Variants in ZNF827 observed in about 807,000 individuals in gnomAD.
ZNF827 encodes zinc finger protein 827.
ZNF827 carries 13 observed loss-of-function variants against 102.4 expected under a neutral mutation model. The observed-to-expected ratio is 0.13, with a 90% confidence interval of 0.08 to 0.20. The LOEUF (loss-of-function observed/expected upper bound fraction) is 0.20. Among genes scored for constraint, ZNF827 ranks in the 10% least tolerant of loss-of-function variants. The pLI is 1.00. For synonymous variants in ZNF827, 523 were observed against 536.2 expected, an observed-to-expected ratio of 0.98 and a Z score of 0.34; for missense variants, 1,103 against 1,344.4, an observed-to-expected ratio of 0.82 and a Z score of 2.81.
At position 145,761,571 on chromosome 4, in the gene ZNF827, G is replaced by T; in HGVS notation, c.*45C>A. The T allele has an allele frequency of 7.8e-7, 1 of 1,273,906 alleles. No individual in the cohort carries two copies. The highest frequency in any genetic ancestry group is 1.0e-6 in the Non-Finnish European group (1 of 977,798). 78.9% of individuals were successfully genotyped at this position (1,273,906 alleles called of 1,614,324 possible). A position where few individuals can be genotyped will look rare whatever the true frequency, so the allele number is the denominator to read the frequency against. On this transcript the variant is annotated 3_prime_UTR_variant, in exon 15 of 15. Transcript: ENST00000508784. This position sits in a 1 kb window ranked among gnomAD's most constrained non-coding sequence, Gnocchi z 6.8. ...GGTGGCACTCCATGGCAGCGGGGCGGTTGGTGGAATAAATGCAGAATGGGC... is the reference window on the plus strand; with the variant it reads ...GGTGGCACTCCATGGCAGCGGGGCGTTTGGTGGAATAAATGCAGAATGGGC...
At chr4:145,922,160 T>C (rs997674927) in intron 1 of ZNF827, among the ~76,000 whole-genome samples, 13 of 152,208 alleles carry the variant, frequency 8.5e-5, no homozygotes, top group Admixed American at 1.3e-4. Context: ...TGCTACATTA[T>C]AGCATTACCT....
intron 7 of ZNF827, among the ~76,000 whole-genome samples, chr4:145,837,469 C>A (rs1218580641): frequency 7.1e-6 from 1 of 141,258 alleles, no homozygotes; most frequent in African/African-American, 2.5e-5. Flanking sequence ...TAGACTGTGC[C>A]CCCCACCAAA....
chr4:145,852,933 C>T (rs867795651), intron 5 of ZNF827, among the ~76,000 whole-genome samples: 6 of 152,144 alleles, frequency 3.9e-5, no homozygotes, highest in African/African-American at 1.4e-4. Flanking sequence ...ATCCTGGGCT[C>T]CATCCTCTAG....
At chr4:145,913,626 C>T (rs985542187) in intron 1 of ZNF827, among the ~76,000 whole-genome samples, 2 of 152,082 alleles carry the variant, frequency 1.3e-5, no homozygotes, top group African/African-American at 4.8e-5. Context: ...CAAAATGGGA[C>T]TGGTTAGTCC....
chr4:145,841,895 CA>C (rs561316738), intron 7 of ZNF827, among the ~76,000 whole-genome samples: 13 of 151,402 alleles, frequency 8.6e-5, no homozygotes, highest in Non-Finnish European at 1.5e-4. Context: ...CTAATTTAAG[CA>C]GCTGAGTTTA....
At chr4:145,825,630 C>T (rs551308292) in intron 7 of ZNF827, among the ~76,000 whole-genome samples, 11 of 152,246 alleles carry the variant, frequency 7.2e-5, no homozygotes, top group East Asian at 3.9e-4. Flanking sequence ...CTAGGTGAAG[C>T]GAGCAGAGGC....
chr4:145,765,239 C>T lies in ZNF827; in HGVS notation c.3053-74G>A. 1.4e-5 allele frequency: 20 copies of T among 1,460,848 alleles called. No individual in the cohort carries two copies. The highest frequency in any genetic ancestry group is 1.8e-5 in the Non-Finnish European group (20 of 1,093,430). 90.5% of individuals were successfully genotyped at this position (1,460,848 alleles called of 1,614,324 possible). On this transcript the variant is annotated intron_variant, in intron 12 of 14. Transcript: ENST00000508784. The surrounding 1 kb of genome is among the most constrained non-coding windows in gnomAD (Gnocchi z 4.7). Reference sequence around the variant, plus strand: ...GGAGGGCAGGAGTGGAGCCAAGCTCCTCCCCACTTCCTCCCGCCTCCTCCG... The same window carrying T: ...GGAGGGCAGGAGTGGAGCCAAGCTCTTCCCCACTTCCTCCCGCCTCCTCCG...
In ZNF827 at chr4:145,803,373, T is replaced by C. The variant is rs185000324; in HGVS notation, c.2383+20049A>G. Among the ~76,000 whole-genome samples the C allele has an allele frequency of 1.8e-3, 277 of 152,074 alleles. 1 individual carries two copies. Among genetic ancestry groups the C allele is most frequent in the African/African-American group, 6.5e-3 (271 of 41,444 alleles). ...AGAGATCTCTTTAATCCCATTAAAC[T>C]CAGCAATTTGAAAAAAAAATGAGCT... On this transcript the variant is annotated intron_variant, in intron 8 of 14. Transcript: ENST00000508784.
At chr4:145,913,601 G>A (rs1752458211) in intron 1 of ZNF827, among the ~76,000 whole-genome samples, 1 of 151,880 alleles carries the variant, frequency 6.6e-6, no homozygotes, top group Admixed American at 6.6e-5. Context: ...CTCACCAAAA[G>A]GCCAATCTAA....
At chr4:145,891,203 A>G (rs534990251) in intron 3 of ZNF827, among the ~76,000 whole-genome samples, 7 of 152,252 alleles carry the variant, frequency 4.6e-5, no homozygotes, top group Non-Finnish European at 1.0e-4. Flanking sequence ...ACTTCCATTG[A>G]AAATTCCTGT....
intron 1 of ZNF827, among the ~76,000 whole-genome samples, chr4:145,931,364 C>T (rs1163257843): frequency 2.6e-5 from 4 of 152,180 alleles, no homozygotes; most frequent in Admixed American, 6.5e-5. Flanking sequence ...ACAATCTATA[C>T]CTTTAAAATG....
At chr4:145,858,257 C>G (rs1032967702) in intron 5 of ZNF827, among the ~76,000 whole-genome samples, 2 of 152,004 alleles carry the variant, frequency 1.3e-5, no homozygotes, top group African/African-American at 4.8e-5. Flanking sequence ...AGGAGGATCA[C>G]TTTTAATAAA....
intron 1 of ZNF827, 68 bp downstream of exon 1, chr4:145,938,297 G>C: frequency 6.3e-7 from 1 of 1,578,432 alleles, no homozygotes; most frequent in Non-Finnish European, 8.7e-7. Context: ...GGAGGAGGCT[G>C]CGGAGGGGAA....
intron 4 of ZNF827, among the ~76,000 whole-genome samples, chr4:145,871,267 T>C (rs1044676557): frequency 1.3e-5 from 2 of 152,238 alleles, no homozygotes; most frequent in African/African-American, 2.4e-5. Flanking sequence ...GAAATTCACA[T>C]TACTATGAGC....
intron 11 of ZNF827, among the ~76,000 whole-genome samples, chr4:145,773,817 A>G (rs187250834): frequency 1.2e-4 from 19 of 152,234 alleles, no homozygotes; most frequent in African/African-American, 3.4e-4. Context: ...CATTAAGGAG[A>G]GCGTCAGGGC....
rs1748562549 is a variant in ZNF827 at position 145,870,279 on chromosome 4, G to C, written c.1947C>G (p.Val649=). Residue 649 remains valine, a synonymous_variant, in exon 5 of 15, where the codon GTC becomes GTG. Transcript: ENST00000508784. ...KGSVLRRDVS[V]KAASELLMKL... is the part of the protein sequence containing the mutation. ...TCATGAGAAGTTCAGAGGCTGCTTT[G>C]ACTGACACATCCCGCCTTAGCACAC... 1 of 1,613,948 alleles carries C rather than the reference G, an allele frequency of 6.2e-7. No homozygotes were observed. Among genetic ancestry groups the C allele is most frequent in the African/African-American group, 1.3e-5 (1 of 74,910 alleles).
chr4:145,927,218 TA>T (rs1315076319), intron 1 of ZNF827, among the ~76,000 whole-genome samples: 10 of 152,172 alleles, frequency 6.6e-5, no homozygotes, highest in African/African-American at 2.4e-4. Flanking sequence ...TCTAGGCCAT[TA>T]CGCAAAGGCA....
chr4:145,892,202 G>A (rs767215726), intron 3 of ZNF827, 41 bp downstream of exon 3: 3 of 1,570,826 alleles, frequency 1.9e-6, no homozygotes, highest in Non-Finnish European at 2.6e-6. Context: ...AGCCCTGGCT[G>A]TGCCTGCCTC....
chr4:145,884,499 G>C (rs754011455), intron 4 of ZNF827, among the ~76,000 whole-genome samples: 9 of 152,092 alleles, frequency 5.9e-5, no homozygotes, highest in Non-Finnish European at 1.3e-4. Context: ...TCATCGTGGG[G>C]ACTTCCATCT....
Sources: gnomAD v4.1 joint callset for allele counts (sites outside exome capture counted in the v4.1 genomes callset) on GRCh38, gnomAD v4.1.1 for gene constraint, Gnocchi (gnomAD v3.1) non-coding constraint, MANE v1.5 for transcripts, NCBI Gene and HGNC (gene_info 2026-07-23, HGNC 2026-07-21) for gene names.